KCNAB3: variants seen among roughly 807,000 people sequenced by gnomAD.
KCNAB3 encodes potassium voltage-gated channel subfamily A regulatory beta subunit 3, also known as voltage-gated potassium channel subunit beta-3.
In KCNAB3, 62 loss-of-function variants were observed where a neutral mutation model predicts 67.7. The ratio of observed to expected loss-of-function variants is 0.92; its 90% CI spans 0.75 to 1.13. The LOEUF (loss-of-function observed/expected upper bound fraction) is 1.13, where lower values mean the gene tolerates loss of function less well. Ranked by LOEUF, KCNAB3 falls within the 50% of genes most tolerant of loss-of-function variation. The probability of loss-of-function intolerance (pLI) is 0.00; values close to 1 mark genes in which losing one functional copy is unlikely to be tolerated. For synonymous variants in KCNAB3, 212 were observed against 205.4 expected (o/e 1.03, Z -0.27); for missense variants, 514 against 522.9 (o/e 0.98, Z 0.17).
rs745768999 is a variant in KCNAB3 at position 7,925,162 on chromosome 17, C to T, written c.560G>A (p.Arg187His). 20 of 1,613,598 alleles carry T rather than the reference C, an allele frequency of 1.2e-5. No homozygotes were observed. Among genetic ancestry groups the T allele is most frequent in the South Asian group, 2.2e-5 (2 of 91,074 alleles). Residue 187 changes from arginine to histidine, a missense_variant, in exon 8 of 14, where the codon CGC becomes CAC. Arg to His is a conservative substitution (Grantham distance 29, BLOSUM62 0). Coordinates refer to ENST00000303790, the MANE Select transcript of KCNAB3 (RefSeq NM_004732.4). The stretch of plus-strand genomic sequence containing the variant: ...AATGTCCACGTATCCCAGCTGGAGG[C>T]GTTCCAGGGATCCTCGCAAGCCTGG... ...IIEGLRGSLE[R>H]LQLGYVDIVF...
chr17:7,929,835 G>GT lies in KCNAB3; in HGVS notation c.-401_-400insA. 3.4e-5 allele frequency: 35 copies of GT among 1,029,880 alleles called. No homozygotes were observed. The Admixed American group carries it at 5.0e-4, about 15-fold the overall frequency. The allele number at this position is 1,029,880 out of a possible 1,614,324, so 63.8% of individuals were successfully genotyped here. A position where few individuals can be genotyped will look rare whatever the true frequency, so the allele number is the denominator to read the frequency against. ...TGCGGGACCCGCTGGGCTCCCAGCC[G>GT]CGTCGGCAGCGGGCCCAGCTCATCA... On this transcript the variant is annotated 5_prime_UTR_variant, in exon 1 of 14. Transcript: ENST00000303790. The surrounding 1 kb of genome is among the most constrained non-coding windows in gnomAD (Gnocchi z 5.7).
chr17:7,929,731 G>C lies in KCNAB3; in HGVS notation c.-296C>G. On this transcript the variant is annotated 5_prime_UTR_variant, in exon 1 of 14. Transcript: ENST00000303790. This position sits in a 1 kb window ranked among gnomAD's most constrained non-coding sequence, Gnocchi z 5.7. ...GGAAATGGATGAGGGTAAAGGTCGA[G>C]GATGAGGTAAAGGTCTCGGAGGATA... The C allele has an allele frequency of 7.7e-7, 1 of 1,291,614 alleles. No individual in the cohort carries two copies. The highest frequency in any genetic ancestry group is 9.9e-7 in the Non-Finnish European group (1 of 1,014,762). The allele number at this position is 1,291,614 out of a possible 1,614,324, so 80.0% of individuals were successfully genotyped here.
In KCNAB3 at chr17:7,927,786, G is replaced by A; in HGVS notation, c.283C>T (p.Leu95=). The A allele has an allele frequency of 6.2e-7, 1 of 1,614,152 alleles. No homozygotes were observed. Among genetic ancestry groups the A allele is most frequent in the Middle Eastern group, 1.6e-4 (1 of 6,062 alleles). Residue 95 remains leucine, a synonymous_variant, in exon 2 of 14, where the codon CTA becomes TTA. Coordinates refer to ENST00000303790, the MANE Select transcript of KCNAB3 (RefSeq NM_004732.4). ...KSGLRVSCLG[L]GTWVTFGSQI... is the part of the protein sequence containing the mutation. ...CTTAATCCCTATTCTGACTCACCTAGGCCAAGACAGGATACCCGAAGACCA... is the reference window on the plus strand; with the variant it reads ...CTTAATCCCTATTCTGACTCACCTAAGCCAAGACAGGATACCCGAAGACCA...
At chr17:7,928,956 G>A in intron 1 of KCNAB3, 1 of 599,094 alleles carries the variant, frequency 1.7e-6, no homozygotes. Flanking sequence ...AAGCTCAGGG[G>A]CATCCCCTGG....
intron 7 of KCNAB3, chr17:7,925,421 C>G (rs1972191777): frequency 5.1e-6 from 3 of 593,460 alleles, no homozygotes; most frequent in Admixed American, 3.0e-5. Context: ...CCCAGTTACT[C>G]GAGACGCTGA....
chr17:7,925,646 A>G (rs1414220521), intron 7 of KCNAB3, 37 bp downstream of exon 7: 8 of 1,608,684 alleles, frequency 5.0e-6, no homozygotes, highest in South Asian at 1.1e-5. Context: ...TGGCTTCCAT[A>G]TCCCCTCACT....
chr17:7,929,403 G>T lies in KCNAB3; in HGVS notation c.33C>A (p.Asn11Lys). 1 of 1,548,274 alleles carries T rather than the reference G, an allele frequency of 6.5e-7. No individual in the cohort carries two copies. The highest frequency in any genetic ancestry group is 8.7e-7 in the Non-Finnish European group (1 of 1,146,422). The change falls in exon 1 of 14, where the codon AAC (asparagine) becomes AAA (lysine). Residue 11 changes from asparagine to lysine, a missense_variant. Transcript: ENST00000303790. The surrounding 1 kb of genome is among the most constrained non-coding windows in gnomAD (Gnocchi z 5.7). MQVSIACTEQ[N>K]LRSRSSEDRL... ...GGTCCTCACTGCTCCGGCTGCGAAG[G>T]TTCTGCTCGGTACACGCGATAGACA...
chr17:7,922,410 G>C lies in KCNAB3; in HGVS notation c.*692C>G, dbSNP rs1972064517. 1 of 152,186 alleles carries C rather than the reference G, an allele frequency of 6.6e-6. No individual in the cohort carries two copies. The allele number at this position is 152,186 out of a possible 1,614,324, so 9.4% of individuals were successfully genotyped here. Reference sequence around the variant, plus strand: ...AAAGGCTGTCACTAATTCCTGCCAAGAACAGCCCAACTGTTTTCCAAGGAC... The same window carrying C: ...AAAGGCTGTCACTAATTCCTGCCAACAACAGCCCAACTGTTTTCCAAGGAC... On this transcript the variant is annotated 3_prime_UTR_variant, in exon 14 of 14. Coordinates refer to ENST00000303790, the MANE Select transcript of KCNAB3 (RefSeq NM_004732.4).
chr17:7,925,216 C>T lies in KCNAB3; in HGVS notation c.539-33G>A, dbSNP rs112296000. On this transcript the variant is annotated intron_variant, in intron 7 of 13. Coordinates refer to ENST00000303790, the MANE Select transcript of KCNAB3 (RefSeq NM_004732.4). The stretch of plus-strand genomic sequence containing the variant: ...TGGGGTAGGGAGAAGAAAATAAGCA[C>T]CTCAGCTTCAGTGTACTAAGAATGC... 1,221 of 1,570,506 alleles carry T rather than the reference C, an allele frequency of 7.8e-4. 9 individuals are homozygous for T. In the African/African-American group the frequency reaches 0.015, roughly 19 times the overall value.
chr17:7,927,413 T>C lies in KCNAB3; in HGVS notation c.335A>G (p.Asp112Gly). The change falls in exon 4 of 14, where the codon GAT (aspartate) becomes GGT (glycine). Residue 112 changes from aspartate (D) to glycine (G), a missense_variant. Asp to Gly is a moderately conservative substitution (Grantham distance 94, BLOSUM62 -1). Coordinates refer to ENST00000303790, the MANE Select transcript of KCNAB3 (RefSeq NM_004732.4). ...GSQISDETAE[D>G]VLTVAYEHGV... is the part of the protein sequence containing the mutation. ...ATGCTCATAGGCTACAGTCAGCACATCCTCTGCTGTCTAGGGAGGTGAAAG... is the reference window on the plus strand; with the variant it reads ...ATGCTCATAGGCTACAGTCAGCACACCCTCTGCTGTCTAGGGAGGTGAAAG... 6.2e-7 allele frequency: 1 copy of C among 1,613,866 alleles called. No homozygotes were observed. The highest frequency in any genetic ancestry group is 1.1e-5 in the South Asian group (1 of 91,080).
Position 7,924,033 on chromosome 17 carries a change from C to T in KCNAB3, c.862G>A (p.Ala288Thr). 1 of 1,614,018 alleles carries T rather than the reference C, an allele frequency of 6.2e-7. No individual in the cohort carries two copies. Among genetic ancestry groups the T allele is most frequent in the Non-Finnish European group, 8.5e-7 (1 of 1,180,010 alleles). ...TACTTGCTAGTAATGAGACCACAGG[C>T]TAGAGGGTACCAAGTGACTGATCCA... is the stretch of plus-strand genomic sequence containing the variant. Reference protein sequence around the residue: ...GVGSVTWYPLACGLITSKYDG... With the variant: ...GVGSVTWYPLTCGLITSKYDG... The change falls in exon 11 of 14, where the codon GCC (alanine) becomes ACC (threonine). Residue 288 changes from alanine (A) to threonine (T), a missense_variant. Transcript: ENST00000303790.
Position 7,922,785 on chromosome 17 carries a change from G to T in KCNAB3, c.*317C>A. ...TTTTTGTTTTCTTTTCTGGGCCTCG[G>T]GAATAAGGGGAGGAGAGTAGGGAGC... is the stretch of plus-strand genomic sequence containing the variant. On this transcript the variant is annotated 3_prime_UTR_variant, in exon 14 of 14. Coordinates refer to ENST00000303790, the MANE Select transcript of KCNAB3 (RefSeq NM_004732.4). 2.3e-6 allele frequency: 1 copy of T among 441,624 alleles called. No homozygotes were observed. 27.4% of individuals were successfully genotyped at this position (441,624 alleles called of 1,614,324 possible).
Position 7,925,704 on chromosome 17 carries a change from T to C in KCNAB3, c.517A>G (p.Ser173Gly), listed in dbSNP as rs768326613. The C allele has an allele frequency of 1.9e-6, 3 of 1,614,126 alleles. No homozygotes were observed. Among genetic ancestry groups the C allele is most frequent in the African/African-American group, 1.3e-5 (1 of 75,018 alleles). ...GGQAETERGL[S>G]RKHIIEGLRG... ...TCACCCTCAATGATGTGCTTTCGGC[T>C]TAAACCTCGCTCGGTTTCTGCCCTG... Residue 173 changes from serine (S) to glycine (G), a missense_variant, in exon 7 of 14, where the codon AGC (serine) becomes GGC (glycine). Ser to Gly is a moderately conservative substitution (Grantham distance 56). Coordinates refer to ENST00000303790, the MANE Select transcript of KCNAB3 (RefSeq NM_004732.4).
chr17:7,924,310 C>G (rs372067112), intron 9 of KCNAB3, 45 bp from the exon 10 acceptor site: 396 of 1,612,066 alleles, frequency 2.5e-4, no homozygotes, highest in Non-Finnish European at 3.2e-4. Context: ...GCACTACTTC[C>G]GTTTTCTTCT....
At chr17:7,925,593 T>C in intron 7 of KCNAB3, 90 bp downstream of exon 7, 3 of 1,166,656 alleles carry the variant, frequency 2.6e-6, no homozygotes, top group Non-Finnish European at 3.8e-6. Context: ...CCTAAATCCC[T>C]ATTCAAAGCC....
chr17:7,924,746 T>A, intron 8 of KCNAB3: 1 of 1,281,586 alleles, frequency 7.8e-7, no homozygotes, highest in South Asian at 2.2e-5. Context: ...TCAATTTTTG[T>A]ATTTTAGATT....
intron 8 of KCNAB3, chr17:7,924,852 C>T: frequency 1.7e-6 from 1 of 572,734 alleles, no homozygotes; most frequent in South Asian, 2.7e-5. Context: ...GAATGATCCT[C>T]CTGCCTCAGC....
At chr17:7,926,036 G>A in intron 5 of KCNAB3, 23 bp downstream of exon 5, 1 of 1,614,134 alleles carries the variant, frequency 6.2e-7, no homozygotes, top group Non-Finnish European at 8.5e-7. Flanking sequence ...CACATCCCCA[G>A]CAACCCCCCA....
In KCNAB3 at chr17:7,925,665, C is replaced by T. The variant is rs1355329499; in HGVS notation, c.538+18G>A. On this transcript the variant is annotated intron_variant, in intron 7 of 13. Transcript: ENST00000303790. ...TTCCATATCCCCTCACTTTGGGTTTCCAGCCCCTAACTCTCACCCTCAATG... is the reference window on the plus strand; with the variant it reads ...TTCCATATCCCCTCACTTTGGGTTTTCAGCCCCTAACTCTCACCCTCAATG... The T allele has an allele frequency of 1.2e-6, 2 of 1,613,970 alleles. No homozygotes were observed. Among genetic ancestry groups the T allele is most frequent in the East Asian group, 2.2e-5 (1 of 44,880 alleles).
Sources: gnomAD v4.1 joint callset for allele counts on GRCh38, gnomAD v4.1.1 for gene constraint, Gnocchi (gnomAD v3.1) non-coding constraint, MANE v1.5 for transcripts, NCBI Gene and HGNC (gene_info 2026-07-23, HGNC 2026-07-21) for gene names.